The following NKAIN4 variants were observed in gnomAD, a reference collection of about 807,000 sequenced individuals.
The protein encoded by NKAIN4 is sodium/potassium-transporting ATPase subunit beta-1-interacting protein 4.
Under a neutral mutation model 28.8 loss-of-function variants are expected in NKAIN4, and 28 were observed. That is an observed-to-expected ratio of 0.97 (90% CI 0.72 to 1.33). The LOEUF (loss-of-function observed/expected upper bound fraction) is 1.33, where lower values mean the gene tolerates loss of function less well. Ranked by LOEUF, NKAIN4 falls within the 40% of genes most tolerant of loss-of-function variation. The pLI is 0.00. For synonymous variants in NKAIN4, 122 were observed against 115.6 expected (o/e 1.06, Z -0.36); for missense variants, 289 against 277.2 (o/e 1.04, Z -0.30).
chr20:63,254,496 C>G, upstream of NKAIN4: 1 of 1,257,878 alleles, frequency 7.9e-7, no homozygotes, highest in East Asian at 3.2e-5. Context: ...GCGCTCGGCC[C>G]CCGCCCCCGC....
At position 63,253,435 on chromosome 20, in the gene NKAIN4, G is replaced by C. The variant is rs1001646830; in HGVS notation, c.54+962C>G. On this transcript the variant is annotated intron_variant, in intron 1 of 6. Coordinates refer to ENST00000370316, the MANE Select transcript of NKAIN4 (RefSeq NM_152864.4). ...CAGGACACCCAAGCTGCACAGCCAC[G>C]GACTCCGAGGGTTTCGCTGCTCAAA... 4 of 985,356 alleles carry C rather than the reference G, an allele frequency of 4.1e-6. No homozygotes were observed. The African/African-American group carries it at 7.0e-5, about 17-fold the overall frequency. 61.0% of individuals were successfully genotyped at this position (985,356 alleles called of 1,614,324 possible). A position where few individuals can be genotyped will look rare whatever the true frequency, so the allele number is the denominator to read the frequency against.
rs758697608 is a variant in NKAIN4 at position 63,242,664 on chromosome 20, AT to A, written c.533-42del. 9.5e-6 allele frequency: 14 copies of A among 1,470,020 alleles called. No individual in the cohort carries two copies. In the Admixed American group the frequency reaches 2.2e-4, roughly 23 times the overall value. 91.1% of individuals were successfully genotyped at this position (1,470,020 alleles called of 1,614,324 possible). A position where few individuals can be genotyped will look rare whatever the true frequency, so the allele number is the denominator to read the frequency against. On this transcript the variant is annotated intron_variant, in intron 5 of 6. Transcript: ENST00000370316. ...ACCCAAATAAAACAAAACCTACACA[AT>A]GGAAAAGATGTCAGAGTGGAAAACA...
At chr20:63,254,660 C>CGCCG, upstream of NKAIN4, 1 of 384,794 alleles carries the variant, frequency 2.6e-6, no homozygotes, top group Non-Finnish European at 4.5e-6. Flanking sequence ...GGGGGCTTCG[C>CGCCG]GCCGGCCGGA....
chr20:63,250,493 G>T (rs953949368), intron 1 of NKAIN4, among the ~76,000 whole-genome samples: 5 of 152,318 alleles, frequency 3.3e-5, no homozygotes, highest in Admixed American at 6.5e-5. Flanking sequence ...CGCCACTCGG[G>T]GGGGTCGGAT....
At chr20:63,242,687 A>C in intron 5 of NKAIN4, 64 bp from the exon 6 acceptor site, 1 of 1,308,186 alleles carries the variant, frequency 7.6e-7, no homozygotes, top group Non-Finnish European at 1.1e-6. Flanking sequence ...CAGAGTGGAA[A>C]ACAAGCCCAA....
At position 63,253,145 on chromosome 20, in the gene NKAIN4, C is replaced by T. The variant is rs1208915639; in HGVS notation, c.54+1252G>A. 7 of 938,412 alleles carry T rather than the reference C, an allele frequency of 7.5e-6. 1 individual carries two copies. The Admixed American group carries it at 3.1e-4, about 41-fold the overall frequency. 58.1% of individuals were successfully genotyped at this position (938,412 alleles called of 1,614,324 possible). A position where few individuals can be genotyped will look rare whatever the true frequency, so the allele number is the denominator to read the frequency against. On this transcript the variant is annotated intron_variant, in intron 1 of 6. Coordinates refer to ENST00000370316, the MANE Select transcript of NKAIN4 (RefSeq NM_152864.4). ...TGGAGTCTTCGAGTGCCCACCCTTGCTCTCCCCATTCCTGCTTCCAGCCCC... is the reference window on the plus strand; with the variant it reads ...TGGAGTCTTCGAGTGCCCACCCTTGTTCTCCCCATTCCTGCTTCCAGCCCC...
upstream of NKAIN4, chr20:63,254,616 T>G (rs1302929227): frequency 1.1e-5 from 5 of 462,694 alleles, no homozygotes; most frequent in Admixed American, 4.8e-5. Flanking sequence ...ACAGCTGCGC[T>G]GCGTCTCCCC....
rs183993713 is a variant in NKAIN4 at position 63,249,106 on chromosome 20, G to A, written c.193-211C>T. 37 of 553,336 alleles carry A rather than the reference G, an allele frequency of 6.7e-5. 1 individual carries two copies. The highest frequency in any genetic ancestry group is 9.9e-4 in the Middle Eastern group (2 of 2,020). The allele number at this position is 553,336 out of a possible 1,614,324, so 34.3% of individuals were successfully genotyped here. A position where few individuals can be genotyped will look rare whatever the true frequency, so the allele number is the denominator to read the frequency against. Reference sequence around the variant, plus strand: ...CAGAGCTTTCCCACGTGGGTGCCCCGGGAATGAGGCGGTGGGACAGCCAGC... The same window carrying A: ...CAGAGCTTTCCCACGTGGGTGCCCCAGGAATGAGGCGGTGGGACAGCCAGC... On this transcript the variant is annotated intron_variant, in intron 2 of 6. Coordinates refer to ENST00000370316, the MANE Select transcript of NKAIN4 (RefSeq NM_152864.4).
At chr20:63,253,789 G>A (rs946983645) in intron 1 of NKAIN4, among the ~76,000 whole-genome samples, 1 of 152,168 alleles carries the variant, frequency 6.6e-6, no homozygotes, top group Non-Finnish European at 1.5e-5. Flanking sequence ...CCGGGCATCG[G>A]CTCCAGCCCC....
At chr20:63,247,469 C>T (rs775503168) in intron 4 of NKAIN4, 109 bp downstream of exon 4, 46 of 1,547,468 alleles carry the variant, frequency 3.0e-5, no homozygotes, top group South Asian at 6.0e-5. Flanking sequence ...GGCAGAGACA[C>T]GCCTGAGGCC....
chr20:63,244,049 G>A lies in NKAIN4; in HGVS notation c.507C>T (p.Ser169=), dbSNP rs573831787. Reference sequence around the variant, plus strand: ...AGCTGTCCTCTTCCTCCGTAAACACGCTGACCACCTGGCAGCCACAGACAA... The same window carrying A: ...AGCTGTCCTCTTCCTCCGTAAACACACTGACCACCTGGCAGCCACAGACAA... ...LGFVCGCQVV[S]VFTEEEDSFD... is the part of the protein sequence containing the mutation. Residue 169 remains serine, a synonymous_variant, in exon 5 of 7, where the codon AGC becomes AGT. Transcript: ENST00000370316. The A allele has an allele frequency of 3.9e-5, 63 of 1,613,680 alleles. No homozygotes were observed. The highest frequency in any genetic ancestry group is 5.0e-5 in the Admixed American group (3 of 59,968).
chr20:63,254,539 C>T (rs2123147675), upstream of NKAIN4: 4 of 920,526 alleles, frequency 4.3e-6, no homozygotes, highest in African/African-American at 3.5e-5. Flanking sequence ...CAGCCTGGAC[C>T]CCGCCCCCTC....
At chr20:63,243,875 C>G (rs1309811989) in intron 5 of NKAIN4, 149 bp downstream of exon 5, 4 of 644,844 alleles carry the variant, frequency 6.2e-6, no homozygotes, top group African/African-American at 1.8e-5. Context: ...AGTCCTCGCT[C>G]AGGCCTACGG....
At position 63,247,688 on chromosome 20, in the gene NKAIN4, C is replaced by T. The variant is rs555212860; in HGVS notation, c.361G>A (p.Ala121Thr). ...CCATGGGGGGCCCCGAGGCCCACTG[C>T]TGGCACCTCCTCATGCAGACAGCCT... Reference protein sequence around the residue: ...WPGCLHEEVPAVGLGAPHGQA... With the variant: ...WPGCLHEEVPTVGLGAPHGQA... Residue 121 changes from alanine (A) to threonine (T), a missense_variant, in exon 4 of 7, where the codon GCA (alanine) becomes ACA (threonine). Ala to Thr is a moderately conservative substitution (Grantham distance 58). Transcript: ENST00000370316. The T allele has an allele frequency of 1.3e-6, 2 of 1,538,268 alleles. No homozygotes were observed. The highest frequency in any genetic ancestry group is 2.7e-5 in the African/African-American group (2 of 72,816).
At chr20:63,250,359 G>A (rs989031645) in intron 1 of NKAIN4, among the ~76,000 whole-genome samples, 15 of 152,282 alleles carry the variant, frequency 9.9e-5, no homozygotes, top group Admixed American at 2.0e-4. Context: ...CCCGGTGAGC[G>A]TTCCTCCCTT....
Position 63,241,443 on chromosome 20 carries a change from C to T in NKAIN4, c.*54G>A, listed in dbSNP as rs1281428009. 10 of 1,548,368 alleles carry T rather than the reference C, an allele frequency of 6.5e-6. No homozygotes were observed. Among genetic ancestry groups the T allele is most frequent in the Non-Finnish European group, 8.7e-6 (10 of 1,145,364 alleles). On this transcript the variant is annotated 3_prime_UTR_variant, in exon 7 of 7. Transcript: ENST00000370316. ...GGCCTGGGAGCTCCTGTCATTGTCA[C>T]TGGTCGGTCGCTGAGGCTGGAGGCC... is the stretch of plus-strand genomic sequence containing the variant.
At chr20:63,250,700 G>A (rs915433071) in intron 1 of NKAIN4, among the ~76,000 whole-genome samples, 2 of 152,134 alleles carry the variant, frequency 1.3e-5, no homozygotes, top group Non-Finnish European at 2.9e-5. Context: ...AATGAGGGGG[G>A]GAGGGAAAGG....
chr20:63,245,120 C>T lies in NKAIN4; in HGVS notation c.472-1036G>A, dbSNP rs1175218883. ...CCCCGACCCCCGACCCCATCTGGTA[C>T]AGGCAAGTTGGTGGTTGCTTTCCTG... On this transcript the variant is annotated intron_variant, in intron 4 of 6. Coordinates refer to ENST00000370316, the MANE Select transcript of NKAIN4 (RefSeq NM_152864.4). This position sits in a 1 kb window ranked among gnomAD's most constrained non-coding sequence, Gnocchi z 4.7. 6.6e-6 allele frequency among the ~76,000 whole-genome samples: 1 copy of T among 152,166 alleles called. No homozygotes were observed. Among genetic ancestry groups the T allele is most frequent in the Non-Finnish European group, 1.5e-5 (1 of 68,018 alleles).
At chr20:63,241,597 G>T (rs1004106729) in intron 6 of NKAIN4, 91 bp from the exon 7 acceptor site, 2 of 1,186,688 alleles carry the variant, frequency 1.7e-6, no homozygotes, top group Non-Finnish European at 2.5e-6. Flanking sequence ...AACCTGAAAT[G>T]GAACAAAGTC....
Sources: gnomAD v4.1 joint callset for allele counts (sites outside exome capture counted in the v4.1 genomes callset) on GRCh38, gnomAD v4.1.1 for gene constraint, Gnocchi (gnomAD v3.1) non-coding constraint, MANE v1.5 for transcripts, NCBI Gene and HGNC (gene_info 2026-07-23, HGNC 2026-07-21) for gene names.